The following ZNF704 variants were observed in gnomAD, a reference collection of about 807,000 sequenced individuals.
ZNF704 encodes the protein zinc finger protein 704, also known as glucocorticoid induced gene 1.
A neutral mutation model predicts 44.7 loss-of-function variants in ZNF704; 10 were observed. That is an observed-to-expected ratio of 0.22 (90% CI 0.14 to 0.38). The LOEUF (loss-of-function observed/expected upper bound fraction) is 0.38, where lower values mean the gene tolerates loss of function less well. Among genes scored for constraint, ZNF704 ranks in the 10% least tolerant of loss-of-function variants. The pLI, the probability that ZNF704 is intolerant of heterozygous loss-of-function variation, is 1.00. For missense variants in ZNF704, 390 were observed against 545.5 expected, an observed-to-expected ratio of 0.71 and a Z score of 2.84; for synonymous variants, 211 against 207.6, an observed-to-expected ratio of 1.02 and a Z score of -0.14.
chr8:80,659,216 A>T (rs1188855905), intron 7 of ZNF704, among the ~76,000 whole-genome samples: 2 of 152,262 alleles, frequency 1.3e-5, no homozygotes, highest in Non-Finnish European at 2.9e-5. Context: ...CTTCCTAAGT[A>T]ATAAATTTTA....
chr8:80,859,053 T>C (rs1259364732), intron 1 of ZNF704, among the ~76,000 whole-genome samples: 1 of 152,252 alleles, frequency 6.6e-6, no homozygotes, highest in Non-Finnish European at 1.5e-5. Flanking sequence ...AACAAAGATA[T>C]TCAATGATAA....
At chr8:80,878,929 T>C (rs983018646), upstream of ZNF704, among the ~76,000 whole-genome samples, 4 of 152,220 alleles carry the variant, frequency 2.6e-5, no homozygotes, top group African/African-American at 9.6e-5. Context: ...TGTTGTTTCC[T>C]GATCAGTTTA....
chr8:80,750,957 T>C (rs1806932542), intron 2 of ZNF704, among the ~76,000 whole-genome samples: 2 of 152,214 alleles, frequency 1.3e-5, no homozygotes, highest in Non-Finnish European at 2.9e-5. Flanking sequence ...AACAAATCTT[T>C]TCGACTAAAA....
chr8:80,746,876 A>C (rs536263737), intron 2 of ZNF704, among the ~76,000 whole-genome samples: 1 of 152,314 alleles, frequency 6.6e-6, no homozygotes, highest in African/African-American at 2.4e-5. Flanking sequence ...ATTATTAATA[A>C]GGTGAAATGA....
rs1443633734 is a variant in ZNF704, at chr8:80,641,046, T to C, written c.*320A>G. ...GCCTCCTTTCTAGGTAAAATGGGCT[T>C]TGTTGGTTCAATTGCTACAGAAGTC... On this transcript the variant is annotated 3_prime_UTR_variant, in exon 9 of 9. Transcript: ENST00000327835. 5.5e-6 allele frequency: 1 copy of C among 183,278 alleles called. No individual in the cohort carries two copies. 11.4% of individuals were successfully genotyped at this position (183,278 alleles called of 1,614,324 possible). A position where few individuals can be genotyped will look rare whatever the true frequency, so the allele number is the denominator to read the frequency against.
intron 2 of ZNF704, among the ~76,000 whole-genome samples, chr8:80,710,881 T>C (rs1329917325): frequency 1.3e-5 from 2 of 152,180 alleles, no homozygotes; most frequent in Non-Finnish European, 1.5e-5. Context: ...TGCAATCAGC[T>C]TTCTTAGGTT....
chr8:80,693,008 C>G lies in ZNF704; in HGVS notation c.321G>C (p.Pro107=). ...SPLVRSPPVR[P]NESLSGSWKE... is the part of the protein sequence containing the mutation. ...AGTCCCATATCCTGGGCTTACCGTT[C>G]GGCCGCACGGGAGGACTTCGAACCA... Residue 107 remains proline (P), a synonymous_variant, in exon 3 of 9, where the codon CCG becomes CCC. Coordinates refer to ENST00000327835, the MANE Select transcript of ZNF704 (RefSeq NM_001033723.3). The G allele has an allele frequency of 3.1e-6, 5 of 1,614,070 alleles. No homozygotes were observed. The highest frequency in any genetic ancestry group is 4.2e-6 in the Non-Finnish European group (5 of 1,179,980).
chr8:80,773,825 C>T (rs1305123447), intron 2 of ZNF704, among the ~76,000 whole-genome samples: 1 of 152,062 alleles, frequency 6.6e-6, no homozygotes, highest in Non-Finnish European at 1.5e-5. Flanking sequence ...TTGTTTCAAC[C>T]ATGTTCCTAA....
chr8:80,695,668 A>G (rs139920938), intron 2 of ZNF704, among the ~76,000 whole-genome samples: 1 of 152,378 alleles, frequency 6.6e-6, no homozygotes, highest in African/African-American at 2.4e-5. Flanking sequence ...TAACTCAAAT[A>G]CTGATTTATG....
At chr8:80,668,432 C>T (rs553566145) in intron 5 of ZNF704, among the ~76,000 whole-genome samples, 42 of 152,340 alleles carry the variant, frequency 2.8e-4, no homozygotes, top group African/African-American at 9.9e-4. Flanking sequence ...GTCTTTGTAC[C>T]GTATCAGGTC....
chr8:80,781,663 T>G (rs1446830291), intron 2 of ZNF704, among the ~76,000 whole-genome samples: 1 of 152,192 alleles, frequency 6.6e-6, no homozygotes, highest in Non-Finnish European at 1.5e-5. Flanking sequence ...TACACCAGGA[T>G]AATCCCCAGC....
chr8:80,845,547 G>T (rs771679589), intron 1 of ZNF704, among the ~76,000 whole-genome samples: 2 of 152,190 alleles, frequency 1.3e-5, no homozygotes, highest in African/African-American at 2.4e-5. Flanking sequence ...TGAGGATTTG[G>T]AAGGTCTTTC....
intron 6 of ZNF704, among the ~76,000 whole-genome samples, chr8:80,661,600 T>G (rs1818102888): frequency 6.6e-6 from 1 of 152,182 alleles, no homozygotes; most frequent in Non-Finnish European, 1.5e-5. Context: ...AATGGAGTAC[T>G]ATTCAGCCAT....
intron 2 of ZNF704, among the ~76,000 whole-genome samples, chr8:80,726,535 A>C (rs1806483589): frequency 6.6e-6 from 1 of 152,204 alleles, no homozygotes; most frequent in African/African-American, 2.4e-5. Flanking sequence ...GTACATACTC[A>C]AAAGATTATG....
intron 2 of ZNF704, among the ~76,000 whole-genome samples, chr8:80,753,799 T>C (rs1190366718): frequency 6.6e-6 from 1 of 152,158 alleles, no homozygotes; most frequent in African/African-American, 2.4e-5. Flanking sequence ...TGAGAAAAGT[T>C]AGAGCCCAAA....
At position 80,687,235 on chromosome 8, in the gene ZNF704, C is replaced by T; in HGVS notation, c.549G>A (p.Arg183=). ...GTGGCTGACCACCAACCTTTCTTTT[C>T]CTGGGAATGGGCTCGTCGAAGAGCA... ...SNLLFDEPIP[R]KRKNSMKVMF... Residue 183 remains arginine, a synonymous_variant, in exon 4 of 9, where the codon AGG becomes AGA. Coordinates refer to ENST00000327835, the MANE Select transcript of ZNF704 (RefSeq NM_001033723.3). The T allele has an allele frequency of 4.3e-6, 7 of 1,611,132 alleles. No individual in the cohort carries two copies. Among genetic ancestry groups the T allele is most frequent in the Non-Finnish European group, 5.9e-6 (7 of 1,178,434 alleles).
In ZNF704 at chr8:80,819,080, T is replaced by C. The variant is rs567872403; in HGVS notation, c.221+2294A>G. ...CAATGAAAACAAGTATATTAGTAGA[T>C]ACCCCAAACAATGAAGCCTTAAGTA... On this transcript the variant is annotated intron_variant, in intron 2 of 8. Coordinates refer to ENST00000327835, the MANE Select transcript of ZNF704 (RefSeq NM_001033723.3). 8.5e-5 allele frequency among the ~76,000 whole-genome samples: 13 copies of C among 152,256 alleles called. No homozygotes were observed. In the Middle Eastern group the frequency reaches 0.01, roughly 120 times the overall value.
At chr8:80,808,273 A>G (rs1808023491) in intron 2 of ZNF704, among the ~76,000 whole-genome samples, 1 of 152,250 alleles carries the variant, frequency 6.6e-6, no homozygotes, top group Admixed American at 6.5e-5. Flanking sequence ...AACTGAAGGT[A>G]GAAAGATTGT....
chr8:80,668,073 C>T (rs1224356103), intron 5 of ZNF704, among the ~76,000 whole-genome samples: 2 of 152,206 alleles, frequency 1.3e-5, no homozygotes, highest in Non-Finnish European at 2.9e-5. Flanking sequence ...AAACATAGAA[C>T]ATTATACTTT....
Sources: gnomAD v4.1 joint callset for allele counts (sites outside exome capture counted in the v4.1 genomes callset) on GRCh38, gnomAD v4.1.1 for gene constraint, MANE v1.5 for transcripts, NCBI Gene and HGNC (gene_info 2026-07-23, HGNC 2026-07-21) for gene names.